Variants in TADA2A observed in about 807,000 individuals in gnomAD.
TADA2A encodes transcriptional adaptor 2A.
TADA2A carries 38 observed loss-of-function variants against 67.4 expected under a neutral mutation model. That is an observed-to-expected ratio of 0.56 (90% CI 0.44 to 0.74). The LOEUF is 0.74. TADA2A is among the 30% of genes least tolerant of loss of function. TADA2A has a pLI of 0.00. For missense variants in TADA2A, 454 were observed against 547.0 expected, an observed-to-expected ratio of 0.83 and a Z score of 1.70; for synonymous variants, 192 against 181.6, an observed-to-expected ratio of 1.06 and a Z score of -0.46.
At chr17:37,410,407 TC>T (rs2051828209) in intron 1 of TADA2A, among the ~76,000 whole-genome samples, 1 of 151,128 alleles carries the variant, frequency 6.6e-6, no homozygotes, top group Non-Finnish European at 1.5e-5. Flanking sequence ...AACTCCTGGG[TC>T]CCAGTAATCC....
chr17:37,467,943 G>A (rs941862496), intron 12 of TADA2A, among the ~76,000 whole-genome samples: 1 of 152,074 alleles, frequency 6.6e-6, no homozygotes, highest in African/African-American at 2.4e-5. Flanking sequence ...CTAGCCAGGC[G>A]TTGTGGTGCA....
chr17:37,465,739 C>A (rs897298974), intron 11 of TADA2A, 198 bp downstream of exon 11: 3 of 801,434 alleles, frequency 3.7e-6, no homozygotes, highest in African/African-American at 3.5e-5. Context: ...TGACTTCCCC[C>A]ATTGCCCCAG....
intron 12 of TADA2A, 96 bp from the exon 13 acceptor site, chr17:37,470,304 T>TA: frequency 6.7e-7 from 1 of 1,490,436 alleles, no homozygotes; most frequent in East Asian, 2.4e-5. Context: ...AAACAGACTT[T>TA]AAGAACAAAA....
intron 11 of TADA2A, among the ~76,000 whole-genome samples, chr17:37,466,003 TA>T (rs2053656718): frequency 6.6e-6 from 1 of 152,218 alleles, no homozygotes. Flanking sequence ...AAAGTAGTTT[TA>T]AAAATGAGGA....
rs1288517434 is a variant in TADA2A, at chr17:37,478,042, C to G, written c.*1060C>G. On this transcript the variant is annotated 3_prime_UTR_variant, in exon 16 of 16. Coordinates refer to ENST00000615182, the MANE Select transcript of TADA2A (RefSeq NM_001166105.3). Reference sequence around the variant, plus strand: ...CTGAGGCAGGAGAATTGCTTGAACACAGGAGGCAGAGGTTGCAGCGAGCTG... The same window carrying G: ...CTGAGGCAGGAGAATTGCTTGAACAGAGGAGGCAGAGGTTGCAGCGAGCTG... 1 of 150,654 alleles carries G rather than the reference C, an allele frequency of 6.6e-6. No individual in the cohort carries two copies. Among genetic ancestry groups the G allele is most frequent in the Non-Finnish European group, 1.5e-5 (1 of 67,928 alleles). The allele number at this position is 150,654 out of a possible 1,614,324, so 9.3% of individuals were successfully genotyped here.
intron 15 of TADA2A, among the ~76,000 whole-genome samples, chr17:37,475,387 A>G (rs2053872303): frequency 6.6e-6 from 1 of 152,112 alleles, no homozygotes; most frequent in Non-Finnish European, 1.5e-5. Flanking sequence ...CATGTTGGCC[A>G]GGCTGATCTT....
intron 15 of TADA2A, among the ~76,000 whole-genome samples, chr17:37,475,930 G>A (rs1221786478): frequency 6.6e-6 from 1 of 152,232 alleles, no homozygotes; most frequent in East Asian, 1.9e-4. Context: ...TTTTGGAGGA[G>A]TTCCTCTTTT....
Position 37,460,998 on chromosome 17 carries a change from G to C in TADA2A, c.669-1080G>C, listed in dbSNP as rs149853289. On this transcript the variant is annotated intron_variant, in intron 9 of 15. Coordinates refer to ENST00000615182, the MANE Select transcript of TADA2A (RefSeq NM_001166105.3). ...AAAGCAAAAGAAAAAAAAGGGACTT[G>C]AGATTCACTCTGGAGGAACTAAGAT... is the stretch of plus-strand genomic sequence containing the variant. Among the ~76,000 whole-genome samples, 7 of 152,180 alleles carry C rather than the reference G, an allele frequency of 4.6e-5. No homozygotes were observed. In the East Asian group the frequency reaches 1.4e-3, roughly 29 times the overall value.
intron 6 of TADA2A, among the ~76,000 whole-genome samples, chr17:37,441,735 C>T (rs1179025095): frequency 6.0e-5 from 9 of 150,674 alleles, no homozygotes; most frequent in South Asian, 2.1e-4. Flanking sequence ...GGCACAACCT[C>T]GGCTTACTGC....
intron 4 of TADA2A, among the ~76,000 whole-genome samples, chr17:37,427,336 A>T (rs2052439589): frequency 6.6e-6 from 1 of 152,228 alleles, no homozygotes; most frequent in East Asian, 1.9e-4. Flanking sequence ...TCATTGATAA[A>T]CATAGCCAAT....
chr17:37,441,904 G>A (rs1369433624), intron 6 of TADA2A, among the ~76,000 whole-genome samples: 1 of 152,132 alleles, frequency 6.6e-6, no homozygotes, highest in African/African-American at 2.4e-5. Flanking sequence ...CTGACCTTAT[G>A]ATCTGCCCGC....
At chr17:37,475,902 C>T (rs920567947) in intron 15 of TADA2A, among the ~76,000 whole-genome samples, 6 of 152,234 alleles carry the variant, frequency 3.9e-5, no homozygotes, top group Non-Finnish European at 8.8e-5. Flanking sequence ...TTTGTCACAT[C>T]TCTGAAGTCT....
chr17:37,446,041 A>T (rs1053022889), intron 8 of TADA2A, among the ~76,000 whole-genome samples: 1 of 151,430 alleles, frequency 6.6e-6, no homozygotes, highest in African/African-American at 2.4e-5. Flanking sequence ...TCTTCCTAAA[A>T]ATTTTACCTT....
intron 2 of TADA2A, among the ~76,000 whole-genome samples, chr17:37,413,008 A>G (rs1421123504): frequency 6.6e-6 from 1 of 151,150 alleles, no homozygotes; most frequent in African/African-American, 2.4e-5. Flanking sequence ...GCTTACTGCA[A>G]CCTCCACCTC....
At chr17:37,431,534 C>A (rs2052567216) in intron 4 of TADA2A, among the ~76,000 whole-genome samples, 1 of 151,892 alleles carries the variant, frequency 6.6e-6, no homozygotes, top group Non-Finnish European at 1.5e-5. Flanking sequence ...TGACTCGTGG[C>A]CAATCTTACT....
At chr17:37,452,089 A>C (rs979856007) in intron 8 of TADA2A, among the ~76,000 whole-genome samples, 2 of 152,206 alleles carry the variant, frequency 1.3e-5, no homozygotes, top group Admixed American at 1.3e-4. Context: ...TGAGTAGATA[A>C]ATGAGATAAG....
intron 8 of TADA2A, chr17:37,454,376 A>G (rs9901749): frequency 0.26 from 36,489 of 142,884 alleles, 4,536 homozygotes; most frequent in Middle Eastern, 0.38. Flanking sequence ...GCTTACTGCC[A>G]TCTCCGCCTC....
At chr17:37,411,422 T>G (rs746693525) in intron 2 of TADA2A, 32 bp downstream of exon 2, 1 of 1,598,454 alleles carries the variant, frequency 6.3e-7, no homozygotes, top group South Asian at 1.1e-5. Context: ...CTCAGGTGAC[T>G]TATTATTATT....
chr17:37,414,438 G>T (rs2051978505), intron 2 of TADA2A, among the ~76,000 whole-genome samples: 1 of 151,856 alleles, frequency 6.6e-6, no homozygotes, highest in South Asian at 2.1e-4. Context: ...CCCCGCCCTG[G>T]AATCAGCCAC....
Sources: allele counts gnomAD v4.1 joint callset (sites outside exome capture counted in the v4.1 genomes callset), GRCh38; gene constraint gnomAD v4.1.1; transcripts MANE v1.5; gene names NCBI Gene and HGNC (gene_info 2026-07-23, HGNC 2026-07-21).